POLR3E: variants seen among roughly 807,000 people sequenced by gnomAD.
POLR3E encodes DNA-directed RNA polymerase III subunit RPC5.
Under a neutral mutation model 96.6 loss-of-function variants are expected in POLR3E, and 41 were observed. The ratio of observed to expected loss-of-function variants is 0.42; its 90% CI spans 0.33 to 0.55. The LOEUF (loss-of-function observed/expected upper bound fraction) is 0.55, where lower values mean the gene tolerates loss of function less well. POLR3E is among the 20% of genes least tolerant of loss of function. The probability of loss-of-function intolerance (pLI) is 0.06; values close to 1 mark genes in which losing one functional copy is unlikely to be tolerated. For missense variants in POLR3E, 849 were observed against 952.1 expected, an observed-to-expected ratio of 0.89 and a Z score of 1.43; for synonymous variants, 396 against 383.6, an observed-to-expected ratio of 1.03 and a Z score of -0.38.
intron 3 of POLR3E, chr16:22,305,470 T>C (rs957212361): frequency 8.9e-6 from 6 of 675,408 alleles, no homozygotes; most frequent in African/African-American, 1.8e-5. Context: ...TCCAACTCCA[T>C]CACACCATAG....
chr16:22,328,405 C>A, intron 18 of POLR3E, 105 bp from the exon 19 acceptor site: 1 of 934,350 alleles, frequency 1.1e-6, no homozygotes, highest in South Asian at 1.4e-5. Context: ...GGGATTGGAA[C>A]CCATGTTCCT....
rs142853728 is a variant in POLR3E, at chr16:22,322,305, C to T, written c.987-545C>T. On this transcript the variant is annotated intron_variant, in intron 13 of 20. Coordinates refer to ENST00000299853, the MANE Select transcript of POLR3E (RefSeq NM_018119.4). The surrounding 1 kb of genome is among the most constrained non-coding windows in gnomAD (Gnocchi z 5.2). ...GTCAGGGCTACACTCTGGAGATTCTCGTGCCCTGCTGTCCAAGGCCCCGGC... is the reference window on the plus strand; with the variant it reads ...GTCAGGGCTACACTCTGGAGATTCTTGTGCCCTGCTGTCCAAGGCCCCGGC... Among the ~76,000 whole-genome samples the T allele has an allele frequency of 3.9e-5, 6 of 152,288 alleles. No individual in the cohort carries two copies. The highest frequency in any genetic ancestry group is 7.4e-5 in the Non-Finnish European group (5 of 68,018).
chr16:22,313,577 G>C lies in POLR3E; in HGVS notation c.365-43G>C, dbSNP rs530677965. 29 of 1,356,530 alleles carry C rather than the reference G, an allele frequency of 2.1e-5. No homozygotes were observed. In the South Asian group the frequency reaches 3.2e-4, roughly 15 times the overall value. The allele number at this position is 1,356,530 out of a possible 1,614,324, so 84.0% of individuals were successfully genotyped here. A position where few individuals can be genotyped will look rare whatever the true frequency, so the allele number is the denominator to read the frequency against. ...TGGTGACTCTCTTGAGCCAAACTGGGTGGGTTTCTAGAGTTGAGTCCAAGC... is the reference window on the plus strand; with the variant it reads ...TGGTGACTCTCTTGAGCCAAACTGGCTGGGTTTCTAGAGTTGAGTCCAAGC... On this transcript the variant is annotated intron_variant, in intron 6 of 20. Transcript: ENST00000299853. This position sits in a 1 kb window ranked among gnomAD's most constrained non-coding sequence, Gnocchi z 4.1.
At chr16:22,308,431 A>G in intron 4 of POLR3E, 1 of 569,642 alleles carries the variant, frequency 1.8e-6, no homozygotes, top group South Asian at 2.0e-5. Flanking sequence ...AGGCTGATGA[A>G]TGAGAGAATG....
chr16:22,321,294 A>G (rs1347824117), intron 13 of POLR3E, among the ~76,000 whole-genome samples: 2 of 152,242 alleles, frequency 1.3e-5, no homozygotes, highest in East Asian at 3.8e-4. Flanking sequence ...TTTTTAAGTA[A>G]TGTAGTTTAA....
chr16:22,303,544 C>T lies in POLR3E; in HGVS notation c.36+540C>T, dbSNP rs116984768. On this transcript the variant is annotated intron_variant, in intron 2 of 20. Coordinates refer to ENST00000299853, the MANE Select transcript of POLR3E (RefSeq NM_018119.4). ...CTGGGGGCTGTGACACATCAGTGAG[C>T]AGGGCAGGGTCCCCTTCCCTGGGAA... 6.6e-5 allele frequency among the ~76,000 whole-genome samples: 10 copies of T among 151,926 alleles called. No homozygotes were observed. The East Asian group carries it at 1.9e-3, about 29-fold the overall frequency.
chr16:22,326,948 C>T (rs1173345815), intron 18 of POLR3E: 1 of 153,306 alleles, frequency 6.5e-6, no homozygotes, highest in Non-Finnish European at 1.5e-5. Context: ...AGCCTCCTGC[C>T]CCTTCCCCCT....
intron 6 of POLR3E, among the ~76,000 whole-genome samples, chr16:22,311,294 AAATTT>A (rs2048241133): frequency 8.9e-6 from 1 of 112,664 alleles, no homozygotes; most frequent in African/African-American, 3.4e-5. Context: ...TTTTTTTAAT[AAATTT>A]AGTGTAGCCT....
At chr16:22,309,293 C>T (rs948045532) in intron 5 of POLR3E, 135 bp from the exon 6 acceptor site, 27 of 775,566 alleles carry the variant, frequency 3.5e-5, no homozygotes, top group Admixed American at 1.2e-4. Flanking sequence ...TCCTGAGACC[C>T]GCGTAGGCTG....
chr16:22,327,369 G>A (rs967604304), intron 18 of POLR3E: 1 of 152,316 alleles, frequency 6.6e-6, no homozygotes, highest in African/African-American at 2.4e-5. Context: ...ACATGGGTCT[G>A]GGTCTCCACA....
Position 22,318,327 on chromosome 16 carries a change from C to G in POLR3E, c.866-499C>G, listed in dbSNP as rs1213672816. Among the ~76,000 whole-genome samples, 1 of 152,166 alleles carries G rather than the reference C, an allele frequency of 6.6e-6. No homozygotes were observed. Among genetic ancestry groups the G allele is most frequent in the Non-Finnish European group, 1.5e-5 (1 of 68,046 alleles). On this transcript the variant is annotated intron_variant, in intron 12 of 20. Transcript: ENST00000299853. This position sits in a 1 kb window ranked among gnomAD's most constrained non-coding sequence, Gnocchi z 5.0. ...CAGGCTAGTCTCAAATTCCTGGCCT[C>G]AAGTGATCTGCCTCCCTCGGCCTCC... is the stretch of plus-strand genomic sequence containing the variant.
In POLR3E at chr16:22,317,229, C is replaced by T. The variant is rs150516761; in HGVS notation, c.865+23C>T. ...ATGGTGGGTGCCTACCCCCTGCCCA[C>T]CCGGGGGCCCCAGTCCCAGTGGCTC... is the stretch of plus-strand genomic sequence containing the variant. On this transcript the variant is annotated intron_variant, in intron 12 of 20. Coordinates refer to ENST00000299853, the MANE Select transcript of POLR3E (RefSeq NM_018119.4). 2.4e-5 allele frequency: 38 copies of T among 1,578,454 alleles called. No individual in the cohort carries two copies. The Middle Eastern group carries it at 1.2e-3, about 49-fold the overall frequency.
intron 17 of POLR3E, 113 bp downstream of exon 17, chr16:22,325,379 C>T (rs1268345985): frequency 1.4e-5 from 12 of 865,378 alleles, no homozygotes; most frequent in Non-Finnish European, 2.1e-5. Context: ...GGGCTCTCAC[C>T]GTTCACCCTT....
intron 9 of POLR3E, 116 bp downstream of exon 9, chr16:22,315,324 T>C: frequency 1.8e-6 from 2 of 1,131,644 alleles, no homozygotes; most frequent in South Asian, 3.1e-5. Flanking sequence ...TAGCCACAGA[T>C]AGAGGATCGA....
intron 6 of POLR3E, 80 bp downstream of exon 6, chr16:22,309,590 G>A (rs1290298174): frequency 1.7e-5 from 17 of 1,006,350 alleles, no homozygotes; most frequent in South Asian, 1.3e-5. Context: ...CCAGCCTGGT[G>A]TCCATCTCCC....
intron 13 of POLR3E, among the ~76,000 whole-genome samples, chr16:22,319,774 C>T (rs773966501): frequency 6.6e-6 from 1 of 152,126 alleles, no homozygotes; most frequent in Non-Finnish European, 1.5e-5. Flanking sequence ...TACATGTATA[C>T]AATGTAATGA....
intron 18 of POLR3E, 35 bp from the exon 19 acceptor site, chr16:22,328,475 G>A (rs1355820785): frequency 1.3e-6 from 2 of 1,568,026 alleles, no homozygotes; most frequent in East Asian, 4.5e-5. Flanking sequence ...ATGGGGTAGA[G>A]ATGGACAAGC....
rs1486036962 is a variant in POLR3E at position 22,309,058 on chromosome 16, A to T, written c.281+18A>T. 1 of 1,568,364 alleles carries T rather than the reference A, an allele frequency of 6.4e-7. No homozygotes were observed. Among genetic ancestry groups the T allele is most frequent in the Admixed American group, 1.7e-5 (1 of 59,484 alleles). The stretch of plus-strand genomic sequence containing the variant: ...TATTCCTCGTGAGTTTCCGGCCCCA[A>T]GCCTGTCCGGTTTCCCTGCGTTCAC... On this transcript the variant is annotated intron_variant, in intron 5 of 20. Coordinates refer to ENST00000299853, the MANE Select transcript of POLR3E (RefSeq NM_018119.4).
intron 3 of POLR3E, 35 bp downstream of exon 3, chr16:22,305,241 G>A: frequency 6.6e-7 from 1 of 1,505,376 alleles, no homozygotes; most frequent in Non-Finnish European, 9.3e-7. Flanking sequence ...GAGGGGAGAA[G>A]CAGGTGTGGG....
Sources: gnomAD v4.1 joint callset for allele counts (sites outside exome capture counted in the v4.1 genomes callset) on GRCh38, gnomAD v4.1.1 for gene constraint, Gnocchi (gnomAD v3.1) non-coding constraint, MANE v1.5 for transcripts, NCBI Gene and HGNC (gene_info 2026-07-23, HGNC 2026-07-21) for gene names.